Variants in DCAF5 observed in about 807,000 individuals in gnomAD.
DCAF5 encodes the protein DDB1- and CUL4-associated factor 5.
A neutral mutation model predicts 80.7 loss-of-function variants in DCAF5; 9 were observed. That is an observed-to-expected ratio of 0.11 (90% CI 0.07 to 0.19). The LOEUF is 0.19. Among genes scored for constraint, DCAF5 ranks in the 10% least tolerant of loss-of-function variants. The pLI, the probability that DCAF5 is intolerant of heterozygous loss-of-function variation, is 1.00. For missense variants in DCAF5, 842 were observed against 1,205.7 expected (o/e 0.70, Z 4.47); for synonymous variants, 433 against 461.9 (o/e 0.94, Z 0.80).
chr14:69,147,628 A>G (rs1359913680), intron 1 of DCAF5, among the ~76,000 whole-genome samples: 1 of 152,186 alleles, frequency 6.6e-6, no homozygotes, highest in African/African-American at 2.4e-5. Flanking sequence ...ATAATGATCA[A>G]TATGGTCAGA....
chr14:69,070,819 G>A (rs1465399592), intron 7 of DCAF5, among the ~76,000 whole-genome samples: 2 of 146,568 alleles, frequency 1.4e-5, no homozygotes, highest in Admixed American at 1.4e-4. Context: ...TCTTTTTTGA[G>A]ACGGAGTCTC....
chr14:69,090,980 T>G, intron 6 of DCAF5: 2 of 673,194 alleles, frequency 3.0e-6, no homozygotes, highest in South Asian at 3.1e-5. Flanking sequence ...GTGACCCAGA[T>G]TAGCCCAACT....
intron 6 of DCAF5, chr14:69,090,994 C>A: frequency 1.4e-6 from 1 of 695,460 alleles, no homozygotes; most frequent in South Asian, 1.5e-5. Context: ...CCCAACTGGT[C>A]ACTGACACTT....
At chr14:69,133,124 C>T (rs976597944) in intron 1 of DCAF5, among the ~76,000 whole-genome samples, 1 of 152,194 alleles carries the variant, frequency 6.6e-6, no homozygotes, top group Non-Finnish European at 1.5e-5. Flanking sequence ...TATGTAGTGG[C>T]TCTTCCAATC....
Position 69,053,822 on chromosome 14 carries a change from TAC to T in DCAF5, c.*33_*34del. ...AACAATTTTTTTTTTTTTGTAAGGC[TAC>T]TTTTGTAGCTTTTTGTTTTCCCTTT... On this transcript the variant is annotated 3_prime_UTR_variant, in exon 9 of 9. Coordinates refer to ENST00000341516, the MANE Select transcript of DCAF5 (RefSeq NM_003861.3). The T allele has an allele frequency of 6.5e-7, 1 of 1,543,852 alleles. No individual in the cohort carries two copies. The highest frequency in any genetic ancestry group is 8.7e-7 in the Non-Finnish European group (1 of 1,154,016).
intron 8 of DCAF5, among the ~76,000 whole-genome samples, chr14:69,056,881 C>G (rs1189897544): frequency 3.3e-5 from 5 of 152,200 alleles, no homozygotes; most frequent in Admixed American, 3.3e-4. Context: ...CCACCAGTTT[C>G]CAACTCAGAT....
intron 6 of DCAF5, among the ~76,000 whole-genome samples, chr14:69,082,058 CCT>C (rs1445068745): frequency 6.6e-6 from 1 of 152,200 alleles, no homozygotes; most frequent in Non-Finnish European, 1.5e-5. Context: ...CTTATTTTCC[CCT>C]GACCTTCTGT....
chr14:69,083,775 A>G, intron 6 of DCAF5: 1 of 687,464 alleles, frequency 1.5e-6, no homozygotes, highest in Non-Finnish European at 2.7e-6. Flanking sequence ...CAAAAACTGA[A>G]AACAAAGGGG....
chr14:69,131,246 GTTTTC>G (rs1012267335), intron 1 of DCAF5, among the ~76,000 whole-genome samples: 17 of 152,174 alleles, frequency 1.1e-4, no homozygotes, highest in Admixed American at 3.3e-4. Context: ...TTGCTAAAGT[GTTTTC>G]TTTTCTTTTC....
intron 5 of DCAF5, among the ~76,000 whole-genome samples, chr14:69,113,748 T>C (rs1313112611): frequency 6.6e-6 from 1 of 152,218 alleles, no homozygotes; most frequent in African/African-American, 2.4e-5. Context: ...AGAAAAGATC[T>C]GTAATTTCAT....
chr14:69,127,274 T>A (rs1270823268), intron 1 of DCAF5, among the ~76,000 whole-genome samples: 2 of 152,150 alleles, frequency 1.3e-5, no homozygotes, highest in Admixed American at 1.3e-4. Context: ...AAATCAACTG[T>A]AGTACAACCA....
chr14:69,139,219 G>A (rs1381233623), intron 1 of DCAF5, among the ~76,000 whole-genome samples: 1 of 151,860 alleles, frequency 6.6e-6, no homozygotes, highest in Non-Finnish European at 1.5e-5. Flanking sequence ...AGGTGCAGTG[G>A]TTCACACTTG....
At chr14:69,124,481 TG>T (rs2040817740) in intron 1 of DCAF5, among the ~76,000 whole-genome samples, 1 of 152,244 alleles carries the variant, frequency 6.6e-6, no homozygotes, top group South Asian at 2.1e-4. Flanking sequence ...CTTTGCTACT[TG>T]AATTCCTTTG....
chr14:69,125,289 G>A (rs1416963576), intron 1 of DCAF5, among the ~76,000 whole-genome samples: 1 of 152,200 alleles, frequency 6.6e-6, no homozygotes, highest in Non-Finnish European at 1.5e-5. Flanking sequence ...GAGCCCAGAA[G>A]TAAAAACAGA....
chr14:69,075,483 A>T, intron 6 of DCAF5, 72 bp from the exon 7 acceptor site: 2 of 971,898 alleles, frequency 2.1e-6, no homozygotes, highest in Non-Finnish European at 2.8e-6. Flanking sequence ...GTAACAATAA[A>T]CATATTAATT....
Position 69,053,839 on chromosome 14 carries a change from G to A in DCAF5, c.*18C>T. 6.6e-7 allele frequency: 1 copy of A among 1,525,338 alleles called. No homozygotes were observed. Among genetic ancestry groups the A allele is most frequent in the Non-Finnish European group, 8.7e-7 (1 of 1,144,062 alleles). 94.5% of individuals were successfully genotyped at this position (1,525,338 alleles called of 1,614,324 possible). ...TGTAAGGCTACTTTTGTAGCTTTTT[G>A]TTTTCCCTTTGTATTTATCATGTTT... On this transcript the variant is annotated 3_prime_UTR_variant, in exon 9 of 9. Transcript: ENST00000341516.
chr14:69,071,178 C>G (rs923489337), intron 7 of DCAF5, among the ~76,000 whole-genome samples: 3 of 152,098 alleles, frequency 2.0e-5, no homozygotes, highest in African/African-American at 7.2e-5. Flanking sequence ...TCCCTGGTAG[C>G]AAGTTTTATA....
At chr14:69,123,901 T>C (rs2040801512) in intron 1 of DCAF5, among the ~76,000 whole-genome samples, 1 of 152,130 alleles carries the variant, frequency 6.6e-6, no homozygotes, top group African/African-American at 2.4e-5. Flanking sequence ...GGTTTCACTA[T>C]GTTGGCCAGG....
intron 6 of DCAF5, among the ~76,000 whole-genome samples, chr14:69,079,939 T>C (rs945729775): frequency 6.6e-6 from 1 of 152,132 alleles, no homozygotes; most frequent in African/African-American, 2.4e-5. Context: ...GGGGTGTTAG[T>C]TTCCGTTTTA....
Sources: gnomAD v4.1 joint callset for allele counts (sites outside exome capture counted in the v4.1 genomes callset) on GRCh38, gnomAD v4.1.1 for gene constraint, MANE v1.5 for transcripts, NCBI Gene and HGNC (gene_info 2026-07-23, HGNC 2026-07-21) for gene names.